Variants in ARHGAP23 observed in about 807,000 individuals in gnomAD.
ARHGAP23 encodes Rho GTPase activating protein 23.
In ARHGAP23, 34 loss-of-function variants were observed where a neutral mutation model predicts 136.3. The ratio of observed to expected loss-of-function variants is 0.25; its 90% CI spans 0.19 to 0.33. ARHGAP23 has a LOEUF of 0.33. Among genes scored for constraint, ARHGAP23 ranks in the 10% least tolerant of loss-of-function variants. The pLI, the probability that ARHGAP23 is intolerant of heterozygous loss-of-function variation, is 1.00. For synonymous variants in ARHGAP23, 832 were observed against 920.5 expected (o/e 0.90, Z 1.74); for missense variants, 1,808 against 2,139.0 (o/e 0.85, Z 3.05).
intron 1 of ARHGAP23, among the ~76,000 whole-genome samples, chr17:38,445,852 C>G (rs1026883922): frequency 6.6e-6 from 1 of 151,792 alleles, no homozygotes; most frequent in Non-Finnish European, 1.5e-5. Flanking sequence ...CAGGCTGGCC[C>G]TGGACTCCTG....
At chr17:38,441,263 G>A (rs1417259998) in intron 1 of ARHGAP23, among the ~76,000 whole-genome samples, 5 of 152,172 alleles carry the variant, frequency 3.3e-5, no homozygotes, top group African/African-American at 7.2e-5. Context: ...CAGAGCTCCC[G>A]TGGGAGGGGC....
At chr17:38,466,041 T>G in intron 6 of ARHGAP23, 126 bp from the exon 7 acceptor site, 9 of 524,002 alleles carry the variant, frequency 1.7e-5, no homozygotes, top group African/African-American at 2.2e-5. Flanking sequence ...CTCTCCCTCG[T>G]TCCCCCCACC....
chr17:38,504,274 G>A (rs907816151), intron 23 of ARHGAP23, among the ~76,000 whole-genome samples: 14 of 152,342 alleles, frequency 9.2e-5, no homozygotes, highest in African/African-American at 2.2e-4. Context: ...TAAGTACAGC[G>A]ATAGGAATAA....
chr17:38,425,252 C>A (rs943987025), upstream of ARHGAP23, among the ~76,000 whole-genome samples: 1 of 152,182 alleles, frequency 6.6e-6, no homozygotes, highest in African/African-American at 2.4e-5. Flanking sequence ...AGCCACGATG[C>A]CGATGCCGGA....
chr17:38,482,324 C>A (rs1363966651), intron 15 of ARHGAP23, among the ~76,000 whole-genome samples, 181 bp downstream of exon 15: 1 of 152,242 alleles, frequency 6.6e-6, no homozygotes, highest in Non-Finnish European at 1.5e-5. Context: ...AGCAGCAGGG[C>A]TGAGGCTGAG....
intron 1 of ARHGAP23, among the ~76,000 whole-genome samples, chr17:38,442,609 G>A (rs543275855): frequency 6.6e-6 from 1 of 152,182 alleles, no homozygotes; most frequent in Non-Finnish European, 1.5e-5. Flanking sequence ...GGCCAGAGGA[G>A]GTGTGCCTGG....
At chr17:38,449,314 G>A (rs62073435) in intron 1 of ARHGAP23, among the ~76,000 whole-genome samples, 6,107 of 152,292 alleles carry the variant, frequency 0.04, 141 homozygotes, top group Middle Eastern at 0.085. Context: ...ACTGGGTCTG[G>A]GGAGACCCTG....
intron 22 of ARHGAP23, among the ~76,000 whole-genome samples, chr17:38,499,151 G>T (rs1227805427): frequency 2.6e-5 from 4 of 152,162 alleles, no homozygotes; most frequent in African/African-American, 9.7e-5. Context: ...GAGGAAGGAG[G>T]CACTCACTGG....
upstream of ARHGAP23, among the ~76,000 whole-genome samples, chr17:38,424,789 G>T (rs897832015): frequency 3.2e-4 from 48 of 152,178 alleles, no homozygotes; most frequent in African/African-American, 1.2e-3. Flanking sequence ...AGTTCTCTGG[G>T]CCTCATTTTC....
At chr17:38,498,150 G>A (rs1345984879) in intron 21 of ARHGAP23, among the ~76,000 whole-genome samples, 1 of 152,148 alleles carries the variant, frequency 6.6e-6, no homozygotes. Flanking sequence ...AGTCTGGTGC[G>A]GGAGACACAG....
At chr17:38,493,212 GT>G (rs58966916) in intron 20 of ARHGAP23, among the ~76,000 whole-genome samples, 94,201 of 141,166 alleles carry the variant, frequency 0.67, 32,296 homozygotes, top group East Asian at 0.9. Flanking sequence ...TTGTTTTTTT[GT>G]TTTTTTTTTG....
At chr17:38,442,956 G>T (rs1301709874) in intron 1 of ARHGAP23, among the ~76,000 whole-genome samples, 5 of 152,180 alleles carry the variant, frequency 3.3e-5, no homozygotes, top group Non-Finnish European at 7.3e-5. Flanking sequence ...TACTCCGATG[G>T]GGGGATGGAG....
chr17:38,429,233 C>T (rs1386057112), intron 1 of ARHGAP23, among the ~76,000 whole-genome samples: 1 of 152,244 alleles, frequency 6.6e-6, no homozygotes, highest in Non-Finnish European at 1.5e-5. Context: ...CATTACTCAG[C>T]GCTGGGCTGC....
At chr17:38,440,469 C>G (rs2038896165) in intron 1 of ARHGAP23, among the ~76,000 whole-genome samples, 1 of 152,206 alleles carries the variant, frequency 6.6e-6, no homozygotes, top group South Asian at 2.1e-4. Flanking sequence ...TTCTACATGC[C>G]AGGCACTCAA....
chr17:38,468,010 G>A (rs148064144), intron 7 of ARHGAP23, among the ~76,000 whole-genome samples: 1 of 152,246 alleles, frequency 6.6e-6, no homozygotes, highest in African/African-American at 2.4e-5. Context: ...TGGGCGTGTC[G>A]TGGGACAGGG....
Position 38,489,894 on chromosome 17 carries a change from G to C in ARHGAP23, c.2987-208G>C, listed in dbSNP as rs1305196125. The C allele has an allele frequency of 6.8e-6, 4 of 586,672 alleles. No homozygotes were observed. The African/African-American group carries it at 7.5e-5, about 11-fold the overall frequency. The allele number at this position is 586,672 out of a possible 1,614,324, so 36.3% of individuals were successfully genotyped here. On this transcript the variant is annotated intron_variant, in intron 17 of 23. Coordinates refer to ENST00000622683, the MANE Select transcript of ARHGAP23 (RefSeq NM_001199417.2). ...AACACAGCTGGGCTACCCCAGGTCA[G>C]GTGCACACCCGAGTGTAGCTGTGGT...
intron 2 of ARHGAP23, among the ~76,000 whole-genome samples, chr17:38,460,424 G>A (rs999325302): frequency 6.6e-6 from 1 of 152,176 alleles, no homozygotes; most frequent in African/African-American, 2.4e-5. Context: ...GCCAGCGTCT[G>A]CACACCCCGC....
At chr17:38,468,346 C>T (rs1183000447) in intron 7 of ARHGAP23, among the ~76,000 whole-genome samples, 4 of 152,064 alleles carry the variant, frequency 2.6e-5, no homozygotes, top group Admixed American at 6.6e-5. Context: ...GGTTTCTGGC[C>T]GGGCTTGGGG....
intron 20 of ARHGAP23, among the ~76,000 whole-genome samples, chr17:38,495,288 A>G (rs1406553462): frequency 1.3e-5 from 2 of 149,254 alleles, no homozygotes; most frequent in African/African-American, 5.0e-5. Context: ...CTGGAGTGCA[A>G]CGGCGCGGTC....
Sources: allele counts gnomAD v4.1 joint callset (sites outside exome capture counted in the v4.1 genomes callset), GRCh38; gene constraint gnomAD v4.1.1; transcripts MANE v1.5; gene names NCBI Gene and HGNC (gene_info 2026-07-23, HGNC 2026-07-21).